The following CHSY1 variants were observed in gnomAD, a reference collection of about 807,000 sequenced individuals.
CHSY1 encodes chondroitin sulfate synthase 1, also known as N-acetylgalactosaminyl-proteoglycan 3-beta-glucuronosyltransferase 1.
CHSY1 carries 13 observed loss-of-function variants against 59.8 expected under a neutral mutation model. The ratio of observed to expected loss-of-function variants is 0.22; its 90% CI spans 0.14 to 0.35. The LOEUF is 0.35. CHSY1 is among the 10% of genes least tolerant of loss of function. The pLI is 1.00. For synonymous variants in CHSY1, 459 were observed against 401.2 expected, an observed-to-expected ratio of 1.14 and a Z score of -1.72; for missense variants, 947 against 1,030.6, an observed-to-expected ratio of 0.92 and a Z score of 1.11.
At chr15:101,242,063 T>C (rs1166188181) in intron 1 of CHSY1, among the ~76,000 whole-genome samples, 1 of 152,150 alleles carries the variant, frequency 6.6e-6, no homozygotes, top group East Asian at 1.9e-4. Context: ...TTTTCTATTG[T>C]TTTTCCCCCC....
At chr15:101,200,349 C>A (rs1047850279) in intron 2 of CHSY1, among the ~76,000 whole-genome samples, 1 of 152,194 alleles carries the variant, frequency 6.6e-6, no homozygotes, top group Non-Finnish European at 1.5e-5. Context: ...GTAAACACAA[C>A]GCGAAGAAGA....
At chr15:101,197,181 G>A (rs1163942802) in intron 2 of CHSY1, among the ~76,000 whole-genome samples, 2 of 152,224 alleles carry the variant, frequency 1.3e-5, no homozygotes, top group East Asian at 1.9e-4. Context: ...GAGCCCAGGA[G>A]TTCAAGGCCA....
intron 2 of CHSY1, among the ~76,000 whole-genome samples, chr15:101,214,491 G>A (rs904835990): frequency 2.0e-5 from 3 of 152,208 alleles, no homozygotes; most frequent in Admixed American, 6.5e-5. Context: ...TTTCACTTGT[G>A]TATATCCTCA....
intron 2 of CHSY1, among the ~76,000 whole-genome samples, chr15:101,180,913 A>G (rs2038269226): frequency 6.6e-6 from 1 of 152,118 alleles, no homozygotes; most frequent in Non-Finnish European, 1.5e-5. Context: ...TCTTGGGTAC[A>G]AACGGCAGGG....
chr15:101,202,779 G>C (rs987784629), intron 2 of CHSY1, among the ~76,000 whole-genome samples: 11 of 152,202 alleles, frequency 7.2e-5, no homozygotes, highest in Non-Finnish European at 1.5e-4. Flanking sequence ...TTTTGGGAGA[G>C]GTGGTTAAGA....
intron 2 of CHSY1, among the ~76,000 whole-genome samples, chr15:101,218,311 T>A (rs1400011958): frequency 6.6e-6 from 1 of 152,194 alleles, no homozygotes; most frequent in African/African-American, 2.4e-5. Context: ...TCTAAAACTC[T>A]CCAGCTGGGC....
At chr15:101,181,796 G>A (rs2038282706) in intron 2 of CHSY1, among the ~76,000 whole-genome samples, 1 of 152,154 alleles carries the variant, frequency 6.6e-6, no homozygotes, top group Non-Finnish European at 1.5e-5. Flanking sequence ...TGGGGGTTAG[G>A]AGTGCCGACT....
rs142869818 is a variant in CHSY1, at chr15:101,180,179, T to C, written c.817-1199A>G. The stretch of plus-strand genomic sequence containing the variant: ...AAATATAAATGGGCACTTTTATACC[T>C]TACTTCTTTTTCTCATAAGGTAAAA... On this transcript the variant is annotated intron_variant, in intron 2 of 2. Coordinates refer to ENST00000254190, the MANE Select transcript of CHSY1 (RefSeq NM_014918.5). Among the ~76,000 whole-genome samples the C allele has an allele frequency of 2.8e-4, 43 of 152,326 alleles. 1 individual carries two copies. In the East Asian group the frequency reaches 5.6e-3, roughly 20 times the overall value.
intron 2 of CHSY1, among the ~76,000 whole-genome samples, chr15:101,227,048 C>T (rs28412005): frequency 0.04 from 6,133 of 152,234 alleles, 350 homozygotes; most frequent in East Asian, 0.19. Flanking sequence ...CTTTCCAGGA[C>T]TCTGGATATT....
chr15:101,241,253 G>C (rs2038998832), intron 1 of CHSY1, among the ~76,000 whole-genome samples: 1 of 152,140 alleles, frequency 6.6e-6, no homozygotes, highest in African/African-American at 2.4e-5. Context: ...ACCACGCCCA[G>C]CTAATTTTTG....
intron 2 of CHSY1, among the ~76,000 whole-genome samples, chr15:101,183,161 C>A (rs1163255028): frequency 6.6e-6 from 1 of 151,772 alleles, no homozygotes; most frequent in Non-Finnish European, 1.5e-5. Context: ...AAAAACCAGA[C>A]AACAGGAGAG....
chr15:101,215,721 C>T (rs929953288), intron 2 of CHSY1, among the ~76,000 whole-genome samples: 9 of 152,176 alleles, frequency 5.9e-5, no homozygotes, highest in African/African-American at 9.7e-5. Flanking sequence ...GGCAACAAAT[C>T]GAGACTCTGT....
intron 1 of CHSY1, among the ~76,000 whole-genome samples, chr15:101,248,261 G>C (rs945418889): frequency 6.6e-6 from 1 of 152,162 alleles, no homozygotes; most frequent in East Asian, 1.9e-4. Flanking sequence ...CAGTAAAACT[G>C]GAATCATATG....
In CHSY1 at chr15:101,237,173, G is replaced by A. The variant is rs915263988; in HGVS notation, c.321-1596C>T. Among the ~76,000 whole-genome samples the A allele has an allele frequency of 4.3e-5, 6 of 140,770 alleles. No individual in the cohort carries two copies. In the East Asian group the frequency reaches 8.3e-4, roughly 19 times the overall value. The allele number at this position is 140,770 out of a possible 152,430, so 92.4% of individuals were successfully genotyped here. A position where few individuals can be genotyped will look rare whatever the true frequency, so the allele number is the denominator to read the frequency against. ...CGGGAGGCAGAGGTTGCAATGAGCC[G>A]AGATCGCACCACTGCACTCCAGCCT... On this transcript the variant is annotated intron_variant, in intron 1 of 2. Transcript: ENST00000254190.
At position 101,231,168 on chromosome 15, in the gene CHSY1, C is replaced by A. The variant is rs117410895; in HGVS notation, c.816+3914G>T. Among the ~76,000 whole-genome samples the A allele has an allele frequency of 3.4e-4, 52 of 152,182 alleles. No homozygotes were observed. In the East Asian group the frequency reaches 8.5e-3, roughly 25 times the overall value. On this transcript the variant is annotated intron_variant, in intron 2 of 2. Coordinates refer to ENST00000254190, the MANE Select transcript of CHSY1 (RefSeq NM_014918.5). ...CAGCGTGAGTGAATTGAGTCAATGT[C>A]AAGATGTGAAAAAGATTGGGGAGCC...
chr15:101,204,375 A>G (rs937630341), intron 2 of CHSY1, among the ~76,000 whole-genome samples: 1 of 151,678 alleles, frequency 6.6e-6, no homozygotes, highest in African/African-American at 2.4e-5. Context: ...TGGAGGGTGC[A>G]GTGAGTCGAG....
chr15:101,248,950 CTAAT>C lies in CHSY1; in HGVS notation c.320+2183_320+2186del, dbSNP rs1275274814. Among the ~76,000 whole-genome samples, 7 of 138,912 alleles carry C rather than the reference CTAAT, an allele frequency of 5.0e-5. No individual in the cohort carries two copies. The South Asian group carries it at 1.6e-3, about 31-fold the overall frequency. 91.1% of individuals were successfully genotyped at this position (138,912 alleles called of 152,430 possible). On this transcript the variant is annotated intron_variant, in intron 1 of 2. Coordinates refer to ENST00000254190, the MANE Select transcript of CHSY1 (RefSeq NM_014918.5). ...TACAGGCACCTGCCACCAAGCCTGGCTAATTTTTTTTTTTTTTTTTTTTTTTGCA... is the reference window on the plus strand; with the variant it reads ...TACAGGCACCTGCCACCAAGCCTGGCTTTTTTTTTTTTTTTTTTTTTTGCA...
chr15:101,179,549 C>T (rs2038246587), intron 2 of CHSY1, among the ~76,000 whole-genome samples: 1 of 152,204 alleles, frequency 6.6e-6, no homozygotes, highest in African/African-American at 2.4e-5. Flanking sequence ...AATCAAGGCT[C>T]TGCTGAGGTC....
intron 2 of CHSY1, among the ~76,000 whole-genome samples, chr15:101,233,708 TG>T (rs2141274335): frequency 6.6e-6 from 1 of 152,294 alleles, no homozygotes; most frequent in South Asian, 2.1e-4. Context: ...GGATTTAAAA[TG>T]TATCTTTGTG....
Sources: allele counts gnomAD v4.1 joint callset (sites outside exome capture counted in the v4.1 genomes callset), GRCh38; gene constraint gnomAD v4.1.1; transcripts MANE v1.5; gene names NCBI Gene and HGNC (gene_info 2026-07-23, HGNC 2026-07-21).